Variants in KANSL1 observed in about 807,000 individuals in gnomAD.
KANSL1 encodes the protein MLL1/MLL complex subunit KANSL1.
Under a neutral mutation model 103.6 loss-of-function variants are expected in KANSL1, and 22 were observed. That is an observed-to-expected ratio of 0.21 (90% CI 0.15 to 0.30). KANSL1 has a LOEUF of 0.30. Among genes scored for constraint, KANSL1 ranks in the 10% least tolerant of loss-of-function variants. KANSL1 has a pLI of 1.00. For synonymous variants in KANSL1, 600 were observed against 527.6 expected, an observed-to-expected ratio of 1.14 and a Z score of -1.88; for missense variants, 1,337 against 1,399.8, an observed-to-expected ratio of 0.96 and a Z score of 0.72.
chr17:46,068,063 G>A (rs2078447316), intron 4 of KANSL1, among the ~76,000 whole-genome samples: 1 of 152,122 alleles, frequency 6.6e-6, no homozygotes, highest in Non-Finnish European at 1.5e-5. Context: ...AGTACCTATT[G>A]ACAGGAAAAT....
At chr17:46,174,698 A>G (rs934722123) in intron 1 of KANSL1, among the ~76,000 whole-genome samples, 1 of 152,244 alleles carries the variant, frequency 6.6e-6, no homozygotes, top group Non-Finnish European at 1.5e-5. Flanking sequence ...ATTTTGAAAC[A>G]GGGTCTAGCT....
At chr17:46,032,389 T>C (rs370056222) in intron 13 of KANSL1, 90 bp from the exon 14 acceptor site, 23 of 1,187,110 alleles carry the variant, frequency 1.9e-5, no homozygotes, top group Admixed American at 1.0e-4. Context: ...ACTGGAGGAG[T>C]TGAGGCAAAC....
At chr17:46,076,498 A>T (rs1213840349) in intron 4 of KANSL1, among the ~76,000 whole-genome samples, 2 of 112,658 alleles carry the variant, frequency 1.8e-5, no homozygotes, top group South Asian at 4.8e-4. Context: ...TTCATCTCAA[A>T]AAAAAAAAAA....
chr17:46,192,172 G>T (rs939946692), intron 1 of KANSL1, among the ~76,000 whole-genome samples: 1 of 152,184 alleles, frequency 6.6e-6, no homozygotes, highest in Non-Finnish European at 1.5e-5. Context: ...TAAGACACGG[G>T]AGTAGCGCTG....
chr17:46,140,949 G>C (rs2044390032), intron 2 of KANSL1, among the ~76,000 whole-genome samples: 1 of 152,080 alleles, frequency 6.6e-6, no homozygotes, highest in Non-Finnish European at 1.5e-5. Flanking sequence ...ATATAAAATG[G>C]AAAACAGGCA....
At chr17:46,152,870 GATAA>G (rs1454625012) in intron 2 of KANSL1, 2 of 152,228 alleles carry the variant, frequency 1.3e-5, no homozygotes, top group Non-Finnish European at 2.9e-5. Context: ...AATCCACAGT[GATAA>G]ATAATTTTAA....
intron 2 of KANSL1, among the ~76,000 whole-genome samples, chr17:46,134,701 C>T (rs1157700085): frequency 4.6e-5 from 7 of 151,912 alleles, no homozygotes; most frequent in South Asian, 2.1e-4. Context: ...AAAAATTAAT[C>T]GAGCACGGTG....
At chr17:46,148,599 T>C (rs2044870530) in intron 2 of KANSL1, among the ~76,000 whole-genome samples, 2 of 152,224 alleles carry the variant, frequency 1.3e-5, no homozygotes, top group South Asian at 4.1e-4. Flanking sequence ...CCTTTTTTTT[T>C]TTTTGAGATG....
chr17:46,050,797 TC>T, intron 6 of KANSL1, 93 bp from the exon 7 acceptor site: 1 of 1,110,672 alleles, frequency 9.0e-7, no homozygotes, highest in Non-Finnish European at 1.3e-6. Context: ...AGAAGTTAGC[TC>T]CCCATTTGTT....
intron 2 of KANSL1, among the ~76,000 whole-genome samples, chr17:46,125,581 T>C (rs2147230404): frequency 6.6e-6 from 1 of 152,326 alleles, no homozygotes; most frequent in Non-Finnish European, 1.5e-5. Context: ...AAGGGGTGTA[T>C]GGCTCCTATC....
At chr17:46,054,729 A>G (rs1014658479) in intron 6 of KANSL1, among the ~76,000 whole-genome samples, 2 of 152,080 alleles carry the variant, frequency 1.3e-5, no homozygotes, top group East Asian at 1.9e-4. Context: ...TTTCCTTGCT[A>G]TATTTCTCCA....
intron 7 of KANSL1, among the ~76,000 whole-genome samples, chr17:46,048,852 G>A (rs12150570): frequency 0.14 from 21,813 of 151,962 alleles, 2,134 homozygotes; most frequent in Non-Finnish European, 0.22. Context: ...ACTTTGGCAT[G>A]TAAATATATT....
chr17:46,103,794 G>A (rs1363751073), intron 2 of KANSL1, among the ~76,000 whole-genome samples: 5 of 152,234 alleles, frequency 3.3e-5, no homozygotes, highest in Non-Finnish European at 5.9e-5. Context: ...GGGAGGCTGA[G>A]GTGGGTAGAG....
At chr17:46,168,017 C>T (rs529852362) in intron 2 of KANSL1, among the ~76,000 whole-genome samples, 2 of 152,342 alleles carry the variant, frequency 1.3e-5, no homozygotes, top group Admixed American at 6.5e-5. Flanking sequence ...TAGCCCACCA[C>T]TCTATCTTGG....
At chr17:46,081,479 C>A (rs1303457087) in intron 4 of KANSL1, among the ~76,000 whole-genome samples, 1 of 152,206 alleles carries the variant, frequency 6.6e-6, no homozygotes, top group Non-Finnish European at 1.5e-5. Context: ...TTCAAAACTA[C>A]TTTCCAGTTA....
chr17:46,180,935 G>A (rs192312446), intron 1 of KANSL1, among the ~76,000 whole-genome samples: 1 of 152,254 alleles, frequency 6.6e-6, no homozygotes, highest in Non-Finnish European at 1.5e-5. Context: ...CTTTTTAAAT[G>A]GGAGTGAAAC....
chr17:46,154,577 C>T lies in KANSL1; in HGVS notation c.1289+16278G>A, dbSNP rs181772038. On this transcript the variant is annotated intron_variant, in intron 2 of 14. Transcript: ENST00000432791. ...GATTACAGGCCTAAGCCACCGTGCCCGGGCTCTCACCACAATTATAAAAAG... is the reference window on the plus strand; with the variant it reads ...GATTACAGGCCTAAGCCACCGTGCCTGGGCTCTCACCACAATTATAAAAAG... Among the ~76,000 whole-genome samples, 545 of 152,288 alleles carry T rather than the reference C, an allele frequency of 3.6e-3. 1 individual carries two copies. Among genetic ancestry groups the T allele is most frequent in the Non-Finnish European group, 5.5e-3 (372 of 68,030 alleles).
chr17:46,166,210 TCTC>T (rs2045988813), intron 2 of KANSL1, among the ~76,000 whole-genome samples: 1 of 82,660 alleles, frequency 1.2e-5, no homozygotes, highest in Non-Finnish European at 3.0e-5. Flanking sequence ...TGAGACTCTG[TCTC>T]AAAAAAAAAA....
intron 5 of KANSL1, 121 bp downstream of exon 5, chr17:46,067,428 T>C: frequency 1.4e-6 from 1 of 701,290 alleles, no homozygotes; most frequent in Non-Finnish European, 2.5e-6. Context: ...TTAAAAATGT[T>C]ACTAAGTGAT....
Sources: gnomAD v4.1 joint callset for allele counts (sites outside exome capture counted in the v4.1 genomes callset) on GRCh38, gnomAD v4.1.1 for gene constraint, MANE v1.5 for transcripts, NCBI Gene and HGNC (gene_info 2026-07-23, HGNC 2026-07-21) for gene names.